TICRR: variants seen among roughly 807,000 people sequenced by gnomAD.
The protein encoded by TICRR is TOPBP1 interacting checkpoint and replication regulator.
TICRR carries 132 observed loss-of-function variants against 178.1 expected under a neutral mutation model. The observed-to-expected ratio is 0.74, with a 90% confidence interval of 0.64 to 0.86. The LOEUF is 0.86. Among genes scored for constraint, TICRR ranks in the 40% least tolerant of loss-of-function variants. The pLI, the probability that TICRR is intolerant of heterozygous loss-of-function variation, is 0.00. For missense variants in TICRR, 2,587 were observed against 2,334.3 expected, an observed-to-expected ratio of 1.11 and a Z score of -2.23; for synonymous variants, 991 against 900.7, an observed-to-expected ratio of 1.10 and a Z score of -1.79.
At chr15:89,597,963 C>A (rs1412806248) in intron 7 of TICRR, among the ~76,000 whole-genome samples, 1 of 152,024 alleles carries the variant, frequency 6.6e-6, no homozygotes, top group Non-Finnish European at 1.5e-5. Flanking sequence ...AGATTTAATA[C>A]CTGGGTATTT....
chr15:89,601,278 A>G lies in TICRR; in HGVS notation c.2154-20A>G. ...AGTGACATCCAAAGTAGATATGACC[A>G]AGTATTTTTTTCTCTCAAGGTGCCA... On this transcript the variant is annotated intron_variant, in intron 9 of 21. Coordinates refer to ENST00000268138, the MANE Select transcript of TICRR (RefSeq NM_152259.4). 1 of 1,610,036 alleles carries G rather than the reference A, an allele frequency of 6.2e-7. No homozygotes were observed. The highest frequency in any genetic ancestry group is 1.1e-5 in the South Asian group (1 of 90,982).
intron 13 of TICRR, among the ~76,000 whole-genome samples, chr15:89,603,219 C>T (rs1408203229): frequency 6.6e-6 from 1 of 152,080 alleles, no homozygotes; most frequent in Non-Finnish European, 1.5e-5. Flanking sequence ...AGAGAATATA[C>T]AATTGTAAGT....
intron 19 of TICRR, among the ~76,000 whole-genome samples, chr15:89,622,221 A>G (rs1008945170): frequency 3.9e-5 from 6 of 152,002 alleles, no homozygotes; most frequent in African/African-American, 1.4e-4. Context: ...CCTGACCTCA[A>G]GTGATCCACC....
At chr15:89,609,005 AGTAATGTACC>A (rs1963215133) in intron 15 of TICRR, 56 bp downstream of exon 15, 2 of 1,427,842 alleles carry the variant, frequency 1.4e-6, no homozygotes, top group Non-Finnish European at 1.9e-6. Context: ...TAAGATTAGT[AGTAATGTACC>A]GTCTTTCTTT....
At chr15:89,599,172 C>T in intron 7 of TICRR, 152 bp from the exon 8 acceptor site, 1 of 604,710 alleles carries the variant, frequency 1.7e-6, no homozygotes, top group Non-Finnish European at 2.8e-6. Flanking sequence ...CAGCAGCCAC[C>T]CCCGCCCCCA....
chr15:89,590,820 T>C (rs2141957891), intron 4 of TICRR, among the ~76,000 whole-genome samples: 1 of 152,370 alleles, frequency 6.6e-6, no homozygotes, highest in South Asian at 2.1e-4. Flanking sequence ...TAGAACTTGG[T>C]TGTCTCAATA....
At chr15:89,581,799 T>G (rs1231802087) in intron 1 of TICRR, among the ~76,000 whole-genome samples, 1 of 152,146 alleles carries the variant, frequency 6.6e-6, no homozygotes, top group Non-Finnish European at 1.5e-5. Flanking sequence ...GAGAAGTGAT[T>G]TGGAAGAATA....
chr15:89,610,562 C>T (rs1287886727), intron 15 of TICRR, among the ~76,000 whole-genome samples: 2 of 152,108 alleles, frequency 1.3e-5, no homozygotes, highest in East Asian at 1.9e-4. Context: ...TTTCATTGTC[C>T]TTTTACTTTC....
chr15:89,626,535 G>T (rs1170012290), intron 21 of TICRR, among the ~76,000 whole-genome samples: 2 of 152,126 alleles, frequency 1.3e-5, no homozygotes, highest in Non-Finnish European at 2.9e-5. Flanking sequence ...CAAGGATTTG[G>T]CCTGTTAACT....
chr15:89,621,425 C>T lies in TICRR; in HGVS notation c.3187C>T (p.Arg1063Trp), dbSNP rs1232246210. 18 of 1,610,434 alleles carry T rather than the reference C, an allele frequency of 1.1e-5. No individual in the cohort carries two copies. The highest frequency in any genetic ancestry group is 2.7e-5 in the African/African-American group (2 of 74,630). The change falls in exon 19 of 22, where the codon CGG (arginine) becomes TGG (tryptophan). Residue 1063 changes from arginine (R) to tryptophan (W), a missense_variant. By Grantham distance (101) the Arg-to-Trp change is moderately radical (BLOSUM62 -3). Coordinates refer to ENST00000268138, the MANE Select transcript of TICRR (RefSeq NM_152259.4). ...QRENSPVQSI[R>W]SPKSLLFGAM... The stretch of plus-strand genomic sequence containing the variant: ...AGAAAATTCTCCAGTCCAAAGTATT[C>T]GGTCTCCCAAGAGTCTTCTTTTTGG...
At chr15:89,622,243 T>C (rs111897692) in intron 19 of TICRR, among the ~76,000 whole-genome samples, 2,969 of 151,994 alleles carry the variant, frequency 0.02, 102 homozygotes, top group African/African-American at 0.068. Flanking sequence ...GCCTCAGCCT[T>C]CCAAAGTGCT....
chr15:89,598,960 G>A (rs150666256), intron 7 of TICRR, among the ~76,000 whole-genome samples: 2,730 of 152,174 alleles, frequency 0.018, 75 homozygotes, highest in African/African-American at 0.058. Flanking sequence ...GTGGTGAGCC[G>A]AGATTGTGCC....
Position 89,624,526 on chromosome 15 carries a change from C to T in TICRR, c.4216C>T (p.Pro1406Ser). 1 of 1,614,068 alleles carries T rather than the reference C, an allele frequency of 6.2e-7. No individual in the cohort carries two copies. Among genetic ancestry groups the T allele is most frequent in the Non-Finnish European group, 8.5e-7 (1 of 1,179,994 alleles). The change falls in exon 20 of 22, where the codon CCT becomes TCT. Residue 1406 changes from proline to serine, a missense_variant. Coordinates refer to ENST00000268138, the MANE Select transcript of TICRR (RefSeq NM_152259.4). ...GTGTCAGCCTGATGCCTCCGCTACTCCTGGGGTTGGCACAGCTGACAGCCC... is the reference window on the plus strand; with the variant it reads ...GTGTCAGCCTGATGCCTCCGCTACTTCTGGGGTTGGCACAGCTGACAGCCC... ...VECQPDASATPGVGTADSPAA... is the reference protein window; with the variant it reads ...VECQPDASATSGVGTADSPAA...
intron 15 of TICRR, 152 bp downstream of exon 15, chr15:89,609,101 T>TTTTTTTTTTTTTTTTG (rs1963218100): frequency 2.8e-5 from 1 of 35,308 alleles, no homozygotes; most frequent in African/African-American, 2.1e-4. Flanking sequence ...TTTGTTAATC[T>TTTTTTTTTTTTTTTTG]TTTTTTTTTT....
chr15:89,578,685 A>C lies in TICRR; in HGVS notation c.654+2445A>C, dbSNP rs1211036017. On this transcript the variant is annotated intron_variant, in intron 1 of 21. Coordinates refer to ENST00000268138, the MANE Select transcript of TICRR (RefSeq NM_152259.4). ...TTTTTTTTTTGAATAGCATTGAAAT[A>C]AGTGGGTTGACTGGATCTTTTTAAA... Among the ~76,000 whole-genome samples, 4 of 150,754 alleles carry C rather than the reference A, an allele frequency of 2.7e-5. No homozygotes were observed. The East Asian group carries it at 7.8e-4, about 29-fold the overall frequency.
At chr15:89,590,740 TC>T (rs1342630300) in intron 4 of TICRR, among the ~76,000 whole-genome samples, 1 of 152,224 alleles carries the variant, frequency 6.6e-6, no homozygotes, top group Non-Finnish European at 1.5e-5. Context: ...GATCTACTCT[TC>T]CTATACTGGG....
intron 4 of TICRR, among the ~76,000 whole-genome samples, chr15:89,588,549 G>T (rs1962859124): frequency 6.6e-6 from 1 of 152,124 alleles, no homozygotes; most frequent in South Asian, 2.1e-4. Context: ...GGGGTCTCAG[G>T]ATTTCTGGAG....
rs149901188 is a variant in TICRR, at chr15:89,579,081, A to G, written c.654+2841A>G. Among the ~76,000 whole-genome samples the G allele has an allele frequency of 5.8e-4, 89 of 152,292 alleles. 1 individual carries two copies. In the East Asian group the frequency reaches 0.017, roughly 29 times the overall value. ...AAAACAGGATATCATATTTGCAAAG[A>G]TATAGGACAGAATGGAGGATAAGAG... On this transcript the variant is annotated intron_variant, in intron 1 of 21. Coordinates refer to ENST00000268138, the MANE Select transcript of TICRR (RefSeq NM_152259.4).
chr15:89,609,010 T>G, intron 15 of TICRR, 61 bp downstream of exon 15: 1 of 1,456,628 alleles, frequency 6.9e-7, no homozygotes, highest in Non-Finnish European at 9.1e-7. Flanking sequence ...TTAGTAGTAA[T>G]GTACCGTCTT....
Sources: gnomAD v4.1 joint callset for allele counts (sites outside exome capture counted in the v4.1 genomes callset) on GRCh38, gnomAD v4.1.1 for gene constraint, MANE v1.5 for transcripts, NCBI Gene and HGNC (gene_info 2026-07-23, HGNC 2026-07-21) for gene names.